Variants in SEMA6A observed in about 807,000 individuals in gnomAD.
SEMA6A encodes semaphorin 6A, also known as semaphorin-6A.
SEMA6A carries 25 observed loss-of-function variants against 96.8 expected under a neutral mutation model. That is an observed-to-expected ratio of 0.26 (90% CI 0.19 to 0.36). SEMA6A has a LOEUF of 0.36. SEMA6A is among the 10% of genes least tolerant of loss of function. The probability of loss-of-function intolerance (pLI) is 1.00; values close to 1 mark genes in which losing one functional copy is unlikely to be tolerated. For synonymous variants in SEMA6A, 612 were observed against 518.0 expected (o/e 1.18, Z -2.46); for missense variants, 1,363 against 1,323.1 (o/e 1.03, Z -0.47).
chr5:116,472,073 T>G (rs1252354123), intron 17 of SEMA6A, among the ~76,000 whole-genome samples: 3 of 152,192 alleles, frequency 2.0e-5, no homozygotes, highest in Non-Finnish European at 4.4e-5. Context: ...TGCAGAGGCT[T>G]AAATTTGCCA....
At chr5:116,453,420 C>T (rs1754777747) in intron 18 of SEMA6A, among the ~76,000 whole-genome samples, 1 of 152,132 alleles carries the variant, frequency 6.6e-6, no homozygotes, top group Non-Finnish European at 1.5e-5. Flanking sequence ...TTTTTCTCAC[C>T]TAGACTGCTA....
At chr5:116,478,805 C>A (rs1756603088) in intron 12 of SEMA6A, 87 bp from the exon 13 acceptor site, 6 of 1,291,754 alleles carry the variant, frequency 4.6e-6, no homozygotes, top group Non-Finnish European at 6.4e-6. Flanking sequence ...TGCGACATAG[C>A]CTTCTAGTAA....
At chr5:116,559,356 G>A (rs1760724138) in intron 1 of SEMA6A, among the ~76,000 whole-genome samples, 1 of 152,202 alleles carries the variant, frequency 6.6e-6, no homozygotes, top group Admixed American at 6.5e-5. Flanking sequence ...GAAGCAGGAA[G>A]ACAGCTGGCC....
intron 1 of SEMA6A, among the ~76,000 whole-genome samples, chr5:116,546,968 A>G (rs1227093764): frequency 6.6e-6 from 1 of 152,222 alleles, no homozygotes; most frequent in South Asian, 2.1e-4. Context: ...GAAAAACAAA[A>G]AGGAAAGGGA....
At chr5:116,546,159 TATTATC>T (rs1417758250) in intron 1 of SEMA6A, among the ~76,000 whole-genome samples, 1 of 152,234 alleles carries the variant, frequency 6.6e-6, no homozygotes, top group Non-Finnish European at 1.5e-5. Flanking sequence ...TCACTCTTCA[TATTATC>T]AGGCTTTCTT....
At chr5:116,555,051 G>A (rs905301578) in intron 1 of SEMA6A, among the ~76,000 whole-genome samples, 59 of 152,274 alleles carry the variant, frequency 3.9e-4, no homozygotes, top group African/African-American at 1.4e-3. Flanking sequence ...AATACCAAAT[G>A]AACACAATCC....
chr5:116,475,547 T>A lies in SEMA6A; in HGVS notation c.1706A>T (p.His569Leu). 6.3e-7 allele frequency: 1 copy of A among 1,598,028 alleles called. No individual in the cohort carries two copies. Among genetic ancestry groups the A allele is most frequent in the Non-Finnish European group, 8.5e-7 (1 of 1,171,300 alleles). The change falls in exon 16 of 19, where the codon CAC (histidine) becomes CTC (leucine). Residue 569 changes from histidine (H) to leucine (L), a missense_variant and splice_region_variant. Around this residue, in one of 2 missense-constraint regions of SEMA6A, gnomAD observed 883 missense variants for 763.6 expected, o/e 1.16. Coordinates refer to ENST00000343348, the MANE Select transcript of SEMA6A (RefSeq NM_020796.5). ...AATGGATAAAAGACTGTACTTACTGTGACAGTCCCCCAGACCATCTGTATT... is the reference window on the plus strand; with the variant it reads ...AATGGATAAAAGACTGTACTTACTGAGACAGTCCCCCAGACCATCTGTATT... ...RGNTDGLGDCHNSFVALNGHS... is the reference protein window; with the variant it reads ...RGNTDGLGDCLNSFVALNGHS...
At position 116,574,484 on chromosome 5, in the gene SEMA6A, G is replaced by A. The variant is rs1404928786; in HGVS notation, c.-338C>T. ...GAAAAAGAAAACCAACAAGGAAGAG[G>A]GTAAATGTTCAAGAAACTCTTCTCC... On this transcript the variant is annotated 5_prime_UTR_variant, in exon 1 of 19. Transcript: ENST00000343348. The A allele has an allele frequency of 6.6e-6, 1 of 151,980 alleles. No homozygotes were observed. The highest frequency in any genetic ancestry group is 2.4e-5 in the African/African-American group (1 of 41,344). The allele number at this position is 151,980 out of a possible 1,614,324, so 9.4% of individuals were successfully genotyped here.
At chr5:116,468,705 A>C (rs1301669188) in intron 17 of SEMA6A, 1 of 152,198 alleles carries the variant, frequency 6.6e-6, no homozygotes, top group Non-Finnish European at 1.5e-5. Flanking sequence ...TCTCTCTGGC[A>C]GAAATAAAAT....
chr5:116,492,126 T>C (rs544121081), intron 6 of SEMA6A, among the ~76,000 whole-genome samples: 12 of 152,294 alleles, frequency 7.9e-5, no homozygotes, highest in Middle Eastern at 3.4e-3. Flanking sequence ...CAAGAGCTTT[T>C]TGTTGAACTC....
At chr5:116,571,688 A>C (rs916058026) in intron 1 of SEMA6A, among the ~76,000 whole-genome samples, 2 of 152,212 alleles carry the variant, frequency 1.3e-5, no homozygotes, top group African/African-American at 4.8e-5. Context: ...TAGATAGTTT[A>C]GGTTAATAGG....
At chr5:116,565,967 C>T (rs78768055) in intron 1 of SEMA6A, among the ~76,000 whole-genome samples, 6,138 of 152,160 alleles carry the variant, frequency 0.04, 204 homozygotes, top group African/African-American at 0.089. Flanking sequence ...AATGAAAAGA[C>T]TGAATACTTT....
chr5:116,476,680 T>C (rs1005142996), intron 15 of SEMA6A, among the ~76,000 whole-genome samples: 8 of 152,242 alleles, frequency 5.3e-5, no homozygotes, highest in Non-Finnish European at 1.2e-4. Flanking sequence ...TTCAGTCTTA[T>C]AGCCTTCGGT....
chr5:116,500,786 C>G (rs1182845831), intron 3 of SEMA6A, among the ~76,000 whole-genome samples: 1 of 152,134 alleles, frequency 6.6e-6, no homozygotes, highest in East Asian at 1.9e-4. Context: ...GGGTGGACCA[C>G]TTGAAGGTCA....
chr5:116,476,267 T>G (rs1756441665), intron 15 of SEMA6A, among the ~76,000 whole-genome samples: 1 of 152,164 alleles, frequency 6.6e-6, no homozygotes, highest in South Asian at 2.1e-4. Flanking sequence ...CAAAACCAAT[T>G]TTAATAAAAG....
intron 1 of SEMA6A, among the ~76,000 whole-genome samples, chr5:116,511,368 C>T (rs1361472876): frequency 1.3e-5 from 2 of 152,186 alleles, no homozygotes; most frequent in Non-Finnish European, 2.9e-5. Flanking sequence ...GTTGAATCCA[C>T]TGCTGTGGAA....
At chr5:116,467,885 G>T (rs1366647445) in intron 17 of SEMA6A, 138 bp from the exon 18 acceptor site, 2 of 198,010 alleles carry the variant, frequency 1.0e-5, no homozygotes, top group African/African-American at 5.1e-5. Context: ...ACGGCTTAGT[G>T]GTGGTGGTGG....
chr5:116,461,949 G>A (rs1439787829), intron 18 of SEMA6A, among the ~76,000 whole-genome samples: 1 of 151,994 alleles, frequency 6.6e-6, no homozygotes, highest in East Asian at 1.9e-4. Flanking sequence ...TTTTGTTAAC[G>A]GTAATATTAC....
intron 1 of SEMA6A, among the ~76,000 whole-genome samples, chr5:116,512,684 C>T (rs571806673): frequency 2.0e-4 from 31 of 152,320 alleles, no homozygotes; most frequent in South Asian, 1.4e-3. Flanking sequence ...TTTTCTTTCT[C>T]TCTACCCACC....
Sources: allele counts gnomAD v4.1 joint callset (sites outside exome capture counted in the v4.1 genomes callset), GRCh38; gene constraint gnomAD v4.1.1; regional missense constraint gnomAD v4.1.1; transcripts MANE v1.5; gene names NCBI Gene and HGNC (gene_info 2026-07-23, HGNC 2026-07-21).